NFAM1: variants seen among roughly 807,000 people sequenced by gnomAD.
NFAM1 encodes NFAT activating protein with ITAM motif 1.
NFAM1 carries 17 observed loss-of-function variants against 29.0 expected under a neutral mutation model. The observed-to-expected ratio is 0.59, with a 90% CI of 0.40 to 0.88. NFAM1 has a LOEUF of 0.88. NFAM1 is among the 40% of genes least tolerant of loss of function. The pLI, the probability that NFAM1 is intolerant of heterozygous loss-of-function variation, is 0.00. For missense variants in NFAM1, 324 were observed against 344.6 expected (o/e 0.94, Z 0.47); for synonymous variants, 175 against 147.2 (o/e 1.19, Z -1.36).
intron 1 of NFAM1, among the ~76,000 whole-genome samples, chr22:42,426,038 C>T (rs1231923374): frequency 2.0e-5 from 3 of 152,174 alleles, no homozygotes. Context: ...AGAGGATACC[C>T]TCCAGACCCA....
intron 1 of NFAM1, among the ~76,000 whole-genome samples, chr22:42,429,567 G>A (rs1227325767): frequency 1.3e-5 from 2 of 152,226 alleles, no homozygotes; most frequent in Non-Finnish European, 2.9e-5. Context: ...AGTAAGCCGA[G>A]ATGGTGCCAC....
upstream of NFAM1, among the ~76,000 whole-genome samples, chr22:42,434,580 C>A (rs780601304): frequency 1.3e-5 from 2 of 152,198 alleles, no homozygotes; most frequent in Non-Finnish European, 2.9e-5. Flanking sequence ...CGTGTCTGGC[C>A]CTGATCCTCC....
At chr22:42,427,418 C>T (rs758844103) in intron 1 of NFAM1, among the ~76,000 whole-genome samples, 6 of 152,194 alleles carry the variant, frequency 3.9e-5, no homozygotes, top group Admixed American at 6.5e-5. Flanking sequence ...TGTGGCATCG[C>T]GTCTCCACCC....
intron 1 of NFAM1, among the ~76,000 whole-genome samples, chr22:42,420,487 T>A (rs1930410557): frequency 6.8e-6 from 1 of 148,070 alleles, no homozygotes; most frequent in East Asian, 2.1e-4. Flanking sequence ...ACAAACAGGC[T>A]GGGTGCAGTG....
At chr22:42,424,460 GA>G (rs1930557794) in intron 1 of NFAM1, among the ~76,000 whole-genome samples, 1 of 151,972 alleles carries the variant, frequency 6.6e-6, no homozygotes, top group Middle Eastern at 3.2e-3. Flanking sequence ...CAAACAACAA[GA>G]AAAAGAAATT....
chr22:42,428,724 T>C (rs536871983), intron 1 of NFAM1, among the ~76,000 whole-genome samples: 1 of 152,164 alleles, frequency 6.6e-6, no homozygotes, highest in South Asian at 2.1e-4. Context: ...TTTCAATGGA[T>C]ATGTGAGAAA....
At chr22:42,429,480 G>T (rs970056378) in intron 1 of NFAM1, among the ~76,000 whole-genome samples, 1 of 152,214 alleles carries the variant, frequency 6.6e-6, no homozygotes, top group Non-Finnish European at 1.5e-5. Flanking sequence ...GCCAGGCATG[G>T]TGGTGGGTGC....
At chr22:42,436,826 C>G (rs573022140), upstream of NFAM1, 1 of 209,850 alleles carries the variant, frequency 4.8e-6, no homozygotes, top group Non-Finnish European at 8.3e-6. Flanking sequence ...CGCAGTGGAA[C>G]AAGGGCTCCA....
intron 4 of NFAM1, among the ~76,000 whole-genome samples, chr22:42,397,542 C>A (rs1929570537): frequency 6.6e-6 from 1 of 152,104 alleles, no homozygotes; most frequent in Admixed American, 6.5e-5. Context: ...GATGAAGGAG[C>A]TTTCTTCATT....
rs1930825483 is a variant in NFAM1, at chr22:42,432,183, CGCTCTGATGT to C, written c.121+44_121+53del. The C allele has an allele frequency of 8.1e-6, 12 of 1,483,374 alleles. No homozygotes were observed. The South Asian group carries it at 1.4e-4, about 18-fold the overall frequency. The allele number at this position is 1,483,374 out of a possible 1,614,324, so 91.9% of individuals were successfully genotyped here. On this transcript the variant is annotated intron_variant, in intron 1 of 5. Transcript: ENST00000329021. ...TAGCTGCGCCGGGCGGGATGAAAGC[CGCTCTGATGT>C]TCTGGAGCGAGAGAGTAGAGAGAAG...
chr22:42,411,984 G>A (rs1328393100), intron 1 of NFAM1, among the ~76,000 whole-genome samples: 1 of 152,108 alleles, frequency 6.6e-6, no homozygotes, highest in Non-Finnish European at 1.5e-5. Context: ...CATAACCCCA[G>A]CACTTTGGGA....
chr22:42,401,695 G>C (rs989687865), intron 3 of NFAM1, among the ~76,000 whole-genome samples: 1 of 152,106 alleles, frequency 6.6e-6, no homozygotes, highest in Non-Finnish European at 1.5e-5. Context: ...GATGAATCAC[G>C]AGTGTGGCTT....
chr22:42,414,982 G>A (rs62239661), intron 1 of NFAM1, among the ~76,000 whole-genome samples: 24,754 of 152,180 alleles, frequency 0.16, 2,525 homozygotes, highest in Admixed American at 0.3. Context: ...TATTCTTTTG[G>A]GATTCATTTC....
chr22:42,419,998 T>G lies in NFAM1; in HGVS notation c.122-8262A>C, dbSNP rs1368933171. Among the ~76,000 whole-genome samples the G allele has an allele frequency of 0.011, 276 of 25,992 alleles. 2 individuals carry two copies. Among genetic ancestry groups the G allele is most frequent in the African/African-American group, 0.019 (74 of 3,980 alleles). The allele number at this position is 25,992 out of a possible 152,430, so 17.1% of individuals were successfully genotyped here. A position where few individuals can be genotyped will look rare whatever the true frequency, so the allele number is the denominator to read the frequency against. On this transcript the variant is annotated intron_variant, in intron 1 of 5. Transcript: ENST00000329021. The surrounding 1 kb of genome is among the most constrained non-coding windows in gnomAD (Gnocchi z 4.5). Reference sequence around the variant, plus strand: ...CTGTAATCCCACTCTTGGTTTTTTTTTTTTTTTTTTTTTTTTTTTTTTTTT... The same window carrying G: ...CTGTAATCCCACTCTTGGTTTTTTTGTTTTTTTTTTTTTTTTTTTTTTTTT...
intron 1 of NFAM1, among the ~76,000 whole-genome samples, chr22:42,413,781 T>G (rs1348505313): frequency 6.6e-6 from 1 of 151,658 alleles, no homozygotes; most frequent in Non-Finnish European, 1.5e-5. Flanking sequence ...TGGCCAGGGC[T>G]GTTGGCTCAT....
At chr22:42,423,506 G>A (rs1930516467) in intron 1 of NFAM1, among the ~76,000 whole-genome samples, 1 of 151,736 alleles carries the variant, frequency 6.6e-6, no homozygotes, top group African/African-American at 2.4e-5. Context: ...CTTGACCTCA[G>A]GAATTCAAGG....
At chr22:42,398,387 TA>T (rs1335375158) in intron 3 of NFAM1, among the ~76,000 whole-genome samples, 2 of 93,886 alleles carry the variant, frequency 2.1e-5, no homozygotes, top group Non-Finnish European at 4.7e-5. Context: ...TTTTATTTAT[TA>T]TTATTATTAT....
chr22:42,432,851 G>A (rs1255872843), upstream of NFAM1, among the ~76,000 whole-genome samples: 1 of 152,154 alleles, frequency 6.6e-6, no homozygotes, highest in African/African-American at 2.4e-5. Flanking sequence ...GGGAGGCTGG[G>A]GTGAAGGGCA....
At chr22:42,403,001 AT>A (rs566976156) in intron 3 of NFAM1, among the ~76,000 whole-genome samples, 7 of 148,400 alleles carry the variant, frequency 4.7e-5, no homozygotes, top group Non-Finnish European at 7.5e-5. Context: ...TGCCCGGCTA[AT>A]TTTTTTTTTG....
Sources: gnomAD v4.1 joint callset for allele counts (sites outside exome capture counted in the v4.1 genomes callset) on GRCh38, gnomAD v4.1.1 for gene constraint, Gnocchi (gnomAD v3.1) non-coding constraint, MANE v1.5 for transcripts, NCBI Gene and HGNC (gene_info 2026-07-23, HGNC 2026-07-21) for gene names.